LIMS1: variants seen among roughly 807,000 people sequenced by gnomAD.
LIMS1 encodes LIM and senescent cell antigen-like-containing domain protein 1.
LIMS1 carries 18 observed loss-of-function variants against 44.1 expected under a neutral mutation model. That is an observed-to-expected ratio of 0.41 (90% confidence interval 0.28 to 0.61). The LOEUF (loss-of-function observed/expected upper bound fraction) is 0.61. Among genes scored for constraint, LIMS1 ranks in the 20% least tolerant of loss-of-function variants. The probability of loss-of-function intolerance (pLI) is 0.32; values close to 1 mark genes in which losing one functional copy is unlikely to be tolerated. For missense variants in LIMS1, 201 were observed against 422.0 expected (o/e 0.48, Z 4.59); for synonymous variants, 93 against 149.1 (o/e 0.62, Z 2.74).
intron 1 of LIMS1, among the ~76,000 whole-genome samples, chr2:108,646,182 C>T (rs1460395088): frequency 2.6e-5 from 4 of 152,152 alleles, no homozygotes; most frequent in Non-Finnish European, 1.5e-5. Flanking sequence ...AGAATATACA[C>T]TCTTCTCAGC....
At position 108,588,390 on chromosome 2, in the gene LIMS1, G is replaced by A. The variant is rs796418572; in HGVS notation, c.32+53796G>A. The stretch of plus-strand genomic sequence containing the variant: ...AAATAGAGGCTTTCAAAGATAATTC[G>A]CAGTGATGTGAAACTGGCCTCCCAA... On this transcript the variant is annotated intron_variant, in intron 1 of 9. Transcript: ENST00000544547. The A allele has an allele frequency of 3.0e-5, 30 of 985,156 alleles. No individual in the cohort carries two copies. In the African/African-American group the frequency reaches 4.2e-4, roughly 14 times the overall value. 61.0% of individuals were successfully genotyped at this position (985,156 alleles called of 1,614,324 possible).
chr2:108,553,584 T>G (rs779458041), intron 1 of LIMS1, among the ~76,000 whole-genome samples: 32 of 152,218 alleles, frequency 2.1e-4, no homozygotes, highest in Non-Finnish European at 4.0e-4. Context: ...CATTCCTATT[T>G]TGTGGTCTTC....
chr2:108,652,677 C>G (rs1314654735), intron 1 of LIMS1, among the ~76,000 whole-genome samples: 1 of 152,154 alleles, frequency 6.6e-6, no homozygotes, highest in Non-Finnish European at 1.5e-5. Flanking sequence ...TGCATTGTTG[C>G]AATGTCAGGT....
intron 1 of LIMS1, among the ~76,000 whole-genome samples, chr2:108,577,894 ATGTTT>A (rs535542054): frequency 5.9e-5 from 9 of 152,030 alleles, no homozygotes; most frequent in East Asian, 3.9e-4. Flanking sequence ...CTGAGATTGT[ATGTTT>A]TGTTTTGTTT....
intron 1 of LIMS1, among the ~76,000 whole-genome samples, chr2:108,578,653 G>A (rs1685766166): frequency 6.8e-6 from 1 of 147,634 alleles, no homozygotes; most frequent in Non-Finnish European, 1.5e-5. Flanking sequence ...GAATGCAGTG[G>A]CACGATCTCA....
chr2:108,595,754 T>C (rs1209654713), intron 1 of LIMS1, among the ~76,000 whole-genome samples: 1 of 152,198 alleles, frequency 6.6e-6, no homozygotes. Context: ...ACATTAGAAT[T>C]AGAGTCCTTT....
At chr2:108,674,719 CAAAAAA>C (rs59992301) in intron 5 of LIMS1, among the ~76,000 whole-genome samples, 1 of 43,778 alleles carries the variant, frequency 2.3e-5, no homozygotes. Context: ...AGACTCGTCT[CAAAAAA>C]AAAAAAAAAA....
chr2:108,599,195 C>A (rs1394730732), intron 1 of LIMS1, among the ~76,000 whole-genome samples: 11 of 152,260 alleles, frequency 7.2e-5, no homozygotes, highest in African/African-American at 2.6e-4. Context: ...TCACCACTAC[C>A]CTTCACAGCC....
intron 1 of LIMS1, among the ~76,000 whole-genome samples, chr2:108,612,695 G>A (rs1412622074): frequency 2.0e-5 from 3 of 152,076 alleles, no homozygotes; most frequent in Admixed American, 6.6e-5. Flanking sequence ...AGCACCTCAC[G>A]AGGCTCCTTT....
chr2:108,645,990 T>G (rs759817380), intron 1 of LIMS1, among the ~76,000 whole-genome samples: 1 of 152,134 alleles, frequency 6.6e-6, no homozygotes, highest in African/African-American at 2.4e-5. Context: ...GCACCCAGAT[T>G]CATAACGCAT....
At chr2:108,644,679 G>A (rs532440282) in intron 1 of LIMS1, among the ~76,000 whole-genome samples, 30 of 152,132 alleles carry the variant, frequency 2.0e-4, no homozygotes, top group African/African-American at 6.3e-4. Context: ...GGCTTCAGAA[G>A]GTAGGTAATA....
intron 2 of LIMS1, among the ~76,000 whole-genome samples, chr2:108,665,145 C>T (rs1304342232): frequency 6.6e-6 from 1 of 152,128 alleles, no homozygotes; most frequent in African/African-American, 2.4e-5. Flanking sequence ...TATGCACGCC[C>T]CTTAACCACA....
chr2:108,677,428 G>A (rs1372836693), intron 7 of LIMS1: 1 of 155,906 alleles, frequency 6.4e-6, no homozygotes, highest in East Asian at 1.9e-4. Context: ...CTCCTGCCCT[G>A]GTGATCTCCC....
intron 2 of LIMS1, 111 bp from the exon 3 acceptor site, chr2:108,670,670 T>TA: frequency 1.4e-6 from 1 of 698,774 alleles, no homozygotes; most frequent in South Asian, 1.8e-5. Flanking sequence ...TATAAATTCT[T>TA]AGAGTAGAAC....
intron 1 of LIMS1, chr2:108,621,255 G>A (rs1688218747): frequency 1.3e-6 from 2 of 1,514,006 alleles, no homozygotes; most frequent in Non-Finnish European, 1.8e-6. Context: ...TGAGTCAGGT[G>A]TGCTGAGGTC....
At chr2:108,571,481 A>G (rs1459601072) in intron 1 of LIMS1, among the ~76,000 whole-genome samples, 2 of 152,194 alleles carry the variant, frequency 1.3e-5, no homozygotes, top group Non-Finnish European at 1.5e-5. Context: ...TCCTTGAGCT[A>G]TTTATAAACA....
intron 1 of LIMS1, among the ~76,000 whole-genome samples, chr2:108,641,805 T>C (rs1689686564): frequency 6.6e-6 from 1 of 152,226 alleles, no homozygotes; most frequent in Non-Finnish European, 1.5e-5. Flanking sequence ...ATCCGTATCT[T>C]TTTCTGGCCA....
At chr2:108,605,198 C>T (rs1687210347) in intron 1 of LIMS1, among the ~76,000 whole-genome samples, 2 of 152,192 alleles carry the variant, frequency 1.3e-5, no homozygotes, top group Non-Finnish European at 2.9e-5. Context: ...TGTTTAGGGG[C>T]AGCAATAGAA....
intron 1 of LIMS1, among the ~76,000 whole-genome samples, chr2:108,593,325 C>T (rs1009448323): frequency 6.6e-6 from 1 of 152,162 alleles, no homozygotes. Flanking sequence ...CTTTCTTTTG[C>T]TTTTTTCTTT....
Sources: allele counts gnomAD v4.1 joint callset (sites outside exome capture counted in the v4.1 genomes callset), GRCh38; gene constraint gnomAD v4.1.1; transcripts MANE v1.5; gene names NCBI Gene and HGNC (gene_info 2026-07-23, HGNC 2026-07-21).